Variants in GPR139 observed in about 807,000 individuals in gnomAD.
The protein encoded by GPR139 is G protein-coupled receptor 139, also known as probable G protein-coupled receptor 139.
In GPR139, 12 loss-of-function variants were observed where a neutral mutation model predicts 25.8. The observed-to-expected ratio is 0.47, with a 90% CI of 0.30 to 0.75. The LOEUF (loss-of-function observed/expected upper bound fraction) is 0.75, where lower values mean the gene tolerates loss of function less well. GPR139 is among the 30% of genes least tolerant of loss of function. The pLI is 0.07. For synonymous variants in GPR139, 184 were observed against 179.9 expected, an observed-to-expected ratio of 1.02 and a Z score of -0.18; for missense variants, 380 against 450.2, an observed-to-expected ratio of 0.84 and a Z score of 1.41.
rs948418025 is a variant in GPR139, at chr16:20,028,268, C to G, written c.*3467G>C. Reference sequence around the variant, plus strand: ...TTAATTTAGCTTGATTTAATTATTCCACATTGTATACATATATCAAAACAT... The same window carrying G: ...TTAATTTAGCTTGATTTAATTATTCGACATTGTATACATATATCAAAACAT... On this transcript the variant is annotated 3_prime_UTR_variant, in exon 2 of 2. Transcript: ENST00000570682. 3.3e-5 allele frequency among the ~76,000 whole-genome samples: 5 copies of G among 152,032 alleles called. No homozygotes were observed. The highest frequency in any genetic ancestry group is 1.2e-4 in the African/African-American group (5 of 41,386).
At chr16:20,049,483 G>T (rs1332621321) in intron 1 of GPR139, among the ~76,000 whole-genome samples, 1 of 152,164 alleles carries the variant, frequency 6.6e-6, no homozygotes, top group African/African-American at 2.4e-5. Context: ...TCTCATCTGT[G>T]CAATGGGGAC....
chr16:20,057,712 C>T (rs1420369216), intron 1 of GPR139, among the ~76,000 whole-genome samples: 1 of 152,214 alleles, frequency 6.6e-6, no homozygotes, highest in Non-Finnish European at 1.5e-5. Flanking sequence ...TTGACTTAGA[C>T]TCCATGCCTA....
At chr16:20,035,866 CT>C (rs2057308236) in intron 1 of GPR139, among the ~76,000 whole-genome samples, 1 of 152,204 alleles carries the variant, frequency 6.6e-6, no homozygotes, top group Admixed American at 6.5e-5. Flanking sequence ...TTATAGCTCT[CT>C]TTTATTAAAC....
rs575660011 is a variant in GPR139, at chr16:20,069,600, G to A, written c.127+3890C>T. On this transcript the variant is annotated intron_variant, in intron 1 of 1. Coordinates refer to ENST00000570682, the MANE Select transcript of GPR139 (RefSeq NM_001002911.4). ...TTACAGATGTTATCATTCTCACTTG[G>A]CAGTGGTGGAAATGCACCCTTCTGC... is the stretch of plus-strand genomic sequence containing the variant. 3.3e-5 allele frequency among the ~76,000 whole-genome samples: 5 copies of A among 152,256 alleles called. No individual in the cohort carries two copies. In the South Asian group the frequency reaches 1.0e-3, roughly 32 times the overall value.
chr16:20,034,212 A>G (rs894066235), intron 1 of GPR139, among the ~76,000 whole-genome samples: 1 of 152,192 alleles, frequency 6.6e-6, no homozygotes, highest in Non-Finnish European at 1.5e-5. Context: ...GCTAGAATCC[A>G]GATCTCTCTC....
chr16:20,034,555 G>A (rs1485972661), intron 1 of GPR139, among the ~76,000 whole-genome samples: 1 of 152,064 alleles, frequency 6.6e-6, no homozygotes, highest in Non-Finnish European at 1.5e-5. Context: ...CAGAGACCCG[G>A]TCTTGCTATG....
chr16:20,036,010 A>G (rs960727056), intron 1 of GPR139, among the ~76,000 whole-genome samples: 4 of 152,176 alleles, frequency 2.6e-5, no homozygotes, highest in Non-Finnish European at 4.4e-5. Flanking sequence ...TACATTGGGT[A>G]CTCTTGTGGA....
rs140906053 is a variant in GPR139 at position 20,060,528 on chromosome 16, C to T, written c.127+12962G>A. ...CCCCAGTTGAAATGATGAGGCTGAT[C>T]GCTTGCTTTGCACTTAGCTGAAAAT... On this transcript the variant is annotated intron_variant, in intron 1 of 1. Coordinates refer to ENST00000570682, the MANE Select transcript of GPR139 (RefSeq NM_001002911.4). 1.4e-3 allele frequency among the ~76,000 whole-genome samples: 218 copies of T among 152,106 alleles called. 4 individuals are homozygous for T. Among genetic ancestry groups the T allele is most frequent in the Admixed American group, 0.014 (207 of 15,266 alleles).
intron 1 of GPR139, among the ~76,000 whole-genome samples, chr16:20,054,294 T>C (rs2057381834): frequency 6.6e-6 from 1 of 152,190 alleles, no homozygotes; most frequent in Non-Finnish European, 1.5e-5. Context: ...TAAAATTAAC[T>C]AATCCCAAAT....
intron 1 of GPR139, among the ~76,000 whole-genome samples, chr16:20,066,776 A>G (rs914186876): frequency 6.6e-6 from 1 of 152,230 alleles, no homozygotes; most frequent in African/African-American, 2.4e-5. Flanking sequence ...GAGAGTGAAC[A>G]CGTGCCGAGA....
intron 1 of GPR139, among the ~76,000 whole-genome samples, chr16:20,041,547 G>T (rs1322668583): frequency 1.3e-5 from 2 of 151,940 alleles, no homozygotes; most frequent in African/African-American, 2.4e-5. Context: ...CCCCACTCTG[G>T]ACCCTGGGAT....
rs1596461981 is a variant in GPR139, at chr16:20,028,756, T to G, written c.*2979A>C. ...TCAATAAAAAGACACAGCATGGTGG[T>G]GCGTATCATCATTGCAATGTCCAAC... is the stretch of plus-strand genomic sequence containing the variant. On this transcript the variant is annotated 3_prime_UTR_variant, in exon 2 of 2. Transcript: ENST00000570682. Among the ~76,000 whole-genome samples the G allele has an allele frequency of 6.6e-6, 1 of 152,158 alleles. No homozygotes were observed. Among genetic ancestry groups the G allele is most frequent in the African/African-American group, 2.4e-5 (1 of 41,426 alleles).
intron 1 of GPR139, among the ~76,000 whole-genome samples, chr16:20,056,691 A>G (rs1239227013): frequency 1.3e-5 from 2 of 152,230 alleles, no homozygotes; most frequent in African/African-American, 2.4e-5. Flanking sequence ...AGCATTAGGA[A>G]TAGAGTCTGG....
At chr16:20,070,953 C>T (rs910294369) in intron 1 of GPR139, 3 of 985,390 alleles carry the variant, frequency 3.0e-6, no homozygotes, top group Non-Finnish European at 3.6e-6. Flanking sequence ...TATCTCAGTC[C>T]CTCCTCTGGT....
chr16:20,051,863 C>T (rs961645056), intron 1 of GPR139, among the ~76,000 whole-genome samples: 6 of 152,146 alleles, frequency 3.9e-5, no homozygotes, highest in South Asian at 2.1e-4. Flanking sequence ...AATGCCTTCT[C>T]GGCTCAGTGG....
rs748325656 is a variant in GPR139, at chr16:20,031,740, G to A, written c.1057C>T (p.Pro353Ser). The change falls in exon 2 of 2, where the codon CCG becomes TCG. Residue 353 changes from proline (P) to serine (S), a missense_variant. Transcript: ENST00000570682. The part of the protein sequence containing the change: ...DKNGKPIKVS[P>S] ...TAGTTGCCACACCTATGGAATCACGGGGATACTTTTATAGGTTTTCCATTT... is the reference window on the plus strand; with the variant it reads ...TAGTTGCCACACCTATGGAATCACGAGGATACTTTTATAGGTTTTCCATTT... 2 of 1,612,928 alleles carry A rather than the reference G, an allele frequency of 1.2e-6. No individual in the cohort carries two copies. The highest frequency in any genetic ancestry group is 1.7e-6 in the Non-Finnish European group (2 of 1,179,024).
At chr16:20,067,804 CAAAA>C (rs35387821) in intron 1 of GPR139, among the ~76,000 whole-genome samples, 20 of 68,686 alleles carry the variant, frequency 2.9e-4, no homozygotes, top group African/African-American at 1.1e-3. Flanking sequence ...AACTCCATCT[CAAAA>C]AAAAAAAAAA....
rs1278139455 is a variant in GPR139, at chr16:20,030,598, C to CT, written c.*1136_*1137insA. Among the ~76,000 whole-genome samples, 7 of 1,488 alleles carry CT rather than the reference C, an allele frequency of 4.7e-3. No individual in the cohort carries two copies. The highest frequency in any genetic ancestry group is 6.3e-3 in the Non-Finnish European group (1 of 158). 1.0% of individuals were successfully genotyped at this position (1,488 alleles called of 152,430 possible). ...TAAATAGCTTTACCAAGAACTGGCA[C>CT]CCCCTTTTGAGCCATGTGCGTCAAA... On this transcript the variant is annotated 3_prime_UTR_variant, in exon 2 of 2. Transcript: ENST00000570682.
At chr16:20,033,122 C>T (rs140247010) in intron 1 of GPR139, among the ~76,000 whole-genome samples, 1 of 151,000 alleles carries the variant, frequency 6.6e-6, no homozygotes, top group Non-Finnish European at 1.5e-5. Flanking sequence ...CTCACACAAC[C>T]GTGGGAGGTG....
Sources: gnomAD v4.1 joint callset for allele counts (sites outside exome capture counted in the v4.1 genomes callset) on GRCh38, gnomAD v4.1.1 for gene constraint, MANE v1.5 for transcripts, NCBI Gene and HGNC (gene_info 2026-07-23, HGNC 2026-07-21) for gene names.